Variants in ZNF599 observed in about 807,000 individuals in gnomAD.
The protein encoded by ZNF599 is zinc finger protein 599.
A neutral mutation model predicts 11.7 loss-of-function variants in ZNF599; 10 were observed. The ratio of observed to expected loss-of-function variants is 0.86; its 90% CI spans 0.53 to 1.45. The LOEUF is 1.45. Ranked by LOEUF, ZNF599 falls within the 40% of genes most tolerant of loss-of-function variation. The pLI is 0.00. For synonymous variants in ZNF599, 232 were observed against 253.2 expected, an observed-to-expected ratio of 0.92 and a Z score of 0.79; for missense variants, 688 against 713.6, an observed-to-expected ratio of 0.96 and a Z score of 0.41.
Position 34,773,010 on chromosome 19 carries a change from G to T in ZNF599, c.-169C>A. 1.3e-6 allele frequency: 1 copy of T among 782,668 alleles called. No individual in the cohort carries two copies. Among genetic ancestry groups the T allele is most frequent in the Non-Finnish European group, 1.9e-6 (1 of 527,504 alleles). The allele number at this position is 782,668 out of a possible 1,614,324, so 48.5% of individuals were successfully genotyped here. A position where few individuals can be genotyped will look rare whatever the true frequency, so the allele number is the denominator to read the frequency against. On this transcript the variant is annotated 5_prime_UTR_variant, in exon 1 of 4. Coordinates refer to ENST00000329285, the MANE Select transcript of ZNF599 (RefSeq NM_001007248.3). ...CCTCTGCGCGCCGTGAGGACACAGG[G>T]CTGTCGCCAAGGCCCCAGGAAGGGT...
At chr19:34,769,646 C>T in intron 1 of ZNF599, 91 bp from the exon 2 acceptor site, 1 of 1,492,310 alleles carries the variant, frequency 6.7e-7, no homozygotes, top group Non-Finnish European at 9.1e-7. Flanking sequence ...GGTCCAGAGA[C>T]CCTGAACCAC....
At chr19:34,781,087 C>T in the ZNF599 span, among the ~76,000 whole-genome samples, 1 of 151,546 alleles carries the variant, frequency 6.6e-6, no homozygotes, top group Non-Finnish European at 1.5e-5. Context: ...ACCCGGGAGG[C>T]GGAGTTTGCA....
At chr19:34,775,663 C>T (rs2069214536), upstream of ZNF599, among the ~76,000 whole-genome samples, 1 of 152,196 alleles carries the variant, frequency 6.6e-6, no homozygotes, top group African/African-American at 2.4e-5. Flanking sequence ...AATTATATCT[C>T]ATGAAGGCTT....
the ZNF599 span, among the ~76,000 whole-genome samples, chr19:34,805,222 G>T: frequency 7.8e-6 from 1 of 127,754 alleles, no homozygotes. Flanking sequence ...TTTTTGAGAC[G>T]GAGTCTCACT....
At position 34,769,477 on chromosome 19, in the gene ZNF599, G is replaced by A; in HGVS notation, c.97C>T (p.Leu33=). 6.2e-7 allele frequency: 1 copy of A among 1,614,190 alleles called. No homozygotes were observed. The change falls in exon 2 of 4, where the codon CTG becomes TTG. Residue 33 remains leucine, a synonymous_variant. Coordinates refer to ENST00000329285, the MANE Select transcript of ZNF599 (RefSeq NM_001007248.3). The part of the protein sequence containing the change: ...WGHLDLAQRT[L]YQEVMLETCR... The stretch of plus-strand genomic sequence containing the variant: ...GTCTCCAGCATCACCTCCTGGTACA[G>A]GGTCCTCTGGGCCAGGTCCAGGTGC...
chr19:34,801,290 T>A, the ZNF599 span, among the ~76,000 whole-genome samples: 2 of 152,396 alleles, frequency 1.3e-5, no homozygotes, highest in South Asian at 4.1e-4. Flanking sequence ...TCTGTGTACA[T>A]GGACAGAGAA....
the ZNF599 span, chr19:34,779,505 A>T: frequency 1.3e-5 from 6 of 456,604 alleles, no homozygotes; most frequent in East Asian, 3.5e-4. Context: ...CATTTGCTGT[A>T]CTCATAAGGT....
chr19:34,761,657 A>G (rs2069114509), intron 3 of ZNF599, among the ~76,000 whole-genome samples: 1 of 152,244 alleles, frequency 6.6e-6, no homozygotes, highest in South Asian at 2.1e-4. Context: ...ATATGATAGA[A>G]GCAGCAGAGA....
chr19:34,780,957 C>T, the ZNF599 span, among the ~76,000 whole-genome samples: 3 of 152,002 alleles, frequency 2.0e-5, no homozygotes, highest in African/African-American at 7.2e-5. Flanking sequence ...GAGATCGAGA[C>T]CATCGTGGCT....
At chr19:34,797,331 T>A in the ZNF599 span, among the ~76,000 whole-genome samples, 1 of 152,182 alleles carries the variant, frequency 6.6e-6, no homozygotes, top group Non-Finnish European at 1.5e-5. Context: ...ATATACCCAG[T>A]AGTGGGATTG....
upstream of ZNF599, among the ~76,000 whole-genome samples, chr19:34,775,193 C>T (rs2069212365): frequency 6.6e-6 from 1 of 152,180 alleles, no homozygotes; most frequent in African/African-American, 2.4e-5. Context: ...CTGGGGTATT[C>T]CTTCGTAAAT....
rs914458502 is a variant in ZNF599 at position 34,772,370 on chromosome 19, CT to C, written c.18+453del. On this transcript the variant is annotated intron_variant, in intron 1 of 3. Transcript: ENST00000329285. ...TCGAGGCTCTCATTCCCTCTCCCAGCTTTTGGTAGGGCCAGACTTCCGCTGG... is the reference window on the plus strand; with the variant it reads ...TCGAGGCTCTCATTCCCTCTCCCAGCTTTGGTAGGGCCAGACTTCCGCTGG... The C allele has an allele frequency of 1.3e-5, 13 of 997,076 alleles. No individual in the cohort carries two copies. In the African/African-American group the frequency reaches 2.3e-4, roughly 17 times the overall value. The allele number at this position is 997,076 out of a possible 1,614,324, so 61.8% of individuals were successfully genotyped here.
Position 34,767,339 on chromosome 19 carries a change from C to T in ZNF599, c.218G>A (p.Gly73Asp), listed in dbSNP as rs1299362884. 1 of 1,614,132 alleles carries T rather than the reference C, an allele frequency of 6.2e-7. No homozygotes were observed. The highest frequency in any genetic ancestry group is 2.2e-5 in the East Asian group (1 of 44,878). ...HGQELWTVKRGLSQSTCAGEK... is the reference protein window; with the variant it reads ...HGQELWTVKRDLSQSTCAGEK... ...ACCTGCGCAGGTGCTTTGGGAGAGG[C>T]CTCTCTTCACTGTCCACAGTTCCTG... The change falls in exon 3 of 4, where the codon GGC becomes GAC. Residue 73 changes from glycine to aspartate, a missense_variant. Transcript: ENST00000329285.
chr19:34,772,827 C>T lies in ZNF599; in HGVS notation c.15G>A (p.Ala5=), dbSNP rs966447292. The T allele has an allele frequency of 3.3e-6, 5 of 1,522,002 alleles. No homozygotes were observed. Among genetic ancestry groups the T allele is most frequent in the Non-Finnish European group, 4.4e-6 (5 of 1,138,484 alleles). 94.3% of individuals were successfully genotyped at this position (1,522,002 alleles called of 1,614,324 possible). Residue 5 remains alanine (A), a synonymous_variant, in exon 1 of 4, where the codon GCG becomes GCA. Transcript: ENST00000329285. MAAP[A]LALVSFEDVV... is the part of the protein sequence containing the mutation. ...GGCTGCGGAACCCTCCACTCACCAA[C>T]GCCGGCGCCGCCATGGGCCCAGGGG...
the ZNF599 span, among the ~76,000 whole-genome samples, chr19:34,797,363 T>G: frequency 0.52 from 77,961 of 151,066 alleles, 20,548 homozygotes; most frequent in Non-Finnish European, 0.56. Flanking sequence ...GGTATTTCTA[T>G]TTCTAGATCC....
chr19:34,769,402 C>T (rs1236620520), intron 2 of ZNF599, 27 bp downstream of exon 2: 5 of 1,613,948 alleles, frequency 3.1e-6, no homozygotes, highest in Non-Finnish European at 3.4e-6. Flanking sequence ...TGTGGGTCCC[C>T]TACATGGGAG....
rs760269630 is a variant in ZNF599 at position 34,759,562 on chromosome 19, A to T, written c.1239T>A (p.His413Gln). 2 of 1,613,600 alleles carry T rather than the reference A, an allele frequency of 1.2e-6. No individual in the cohort carries two copies. Among genetic ancestry groups the T allele is most frequent in the Non-Finnish European group, 1.7e-6 (2 of 1,179,884 alleles). ...GCTTCTCTCCGGTATGGGTCCTCTT[A>T]TGTCGGATGAAAGTGGAGCGATGAG... ...AFTHRSTFIRHKRTHTGEKPF... is the reference protein window; with the variant it reads ...AFTHRSTFIRQKRTHTGEKPF... The change falls in exon 4 of 4, where the codon CAT (histidine) becomes CAA (glutamine). Residue 413 changes from histidine (H) to glutamine (Q), a missense_variant. Physicochemically the swap from His to Gln is conservative, Grantham distance 24 (BLOSUM62 0). Coordinates refer to ENST00000329285, the MANE Select transcript of ZNF599 (RefSeq NM_001007248.3).
chr19:34,765,001 A>G (rs2069133330), intron 3 of ZNF599: 1 of 152,120 alleles, frequency 6.6e-6, no homozygotes, highest in African/African-American at 2.4e-5. Context: ...CAGGTGAAAT[A>G]GAGTCAACAA....
the ZNF599 span, among the ~76,000 whole-genome samples, chr19:34,787,194 T>C: frequency 6.6e-6 from 1 of 151,760 alleles, no homozygotes; most frequent in Non-Finnish European, 1.5e-5. Context: ...AAGTCAGTAC[T>C]CATGAAATGC....
Sources: gnomAD v4.1 joint callset for allele counts (sites outside exome capture counted in the v4.1 genomes callset) on GRCh38, gnomAD v4.1.1 for gene constraint, MANE v1.5 for transcripts, NCBI Gene and HGNC (gene_info 2026-07-23, HGNC 2026-07-21) for gene names.